TTC7B: variants seen among roughly 807,000 people sequenced by gnomAD.
The protein encoded by TTC7B is tetratricopeptide repeat domain 7B, also known as tetratricopeptide repeat protein 7B.
TTC7B carries 28 observed loss-of-function variants against 106.8 expected under a neutral mutation model. The ratio of observed to expected loss-of-function variants is 0.26; its 90% CI spans 0.19 to 0.36. TTC7B has a LOEUF of 0.36. Among genes scored for constraint, TTC7B ranks in the 10% least tolerant of loss-of-function variants. The probability of loss-of-function intolerance (pLI) is 1.00; values close to 1 mark genes in which losing one functional copy is unlikely to be tolerated. For synonymous variants in TTC7B, 405 were observed against 430.6 expected, an observed-to-expected ratio of 0.94 and a Z score of 0.74; for missense variants, 862 against 1,076.4, an observed-to-expected ratio of 0.80 and a Z score of 2.79.
intron 9 of TTC7B, among the ~76,000 whole-genome samples, chr14:90,671,608 A>G (rs928875249): frequency 1.3e-5 from 2 of 152,214 alleles, no homozygotes; most frequent in Admixed American, 1.3e-4. Context: ...AGAGGAAAAA[A>G]AGAAGTGTTC....
chr14:90,747,572 T>C (rs1890007682), intron 3 of TTC7B, among the ~76,000 whole-genome samples: 3 of 152,194 alleles, frequency 2.0e-5, no homozygotes, highest in Admixed American at 6.5e-5. Flanking sequence ...TTGGTAAATG[T>C]TACATTTGAA....
intron 19 of TTC7B, among the ~76,000 whole-genome samples, chr14:90,562,107 A>C (rs1346895152): frequency 6.6e-6 from 1 of 152,068 alleles, no homozygotes; most frequent in East Asian, 1.9e-4. Flanking sequence ...CCATCGCCCC[A>C]GCCCGGCCAT....
chr14:90,716,881 C>T (rs529465041), intron 5 of TTC7B, among the ~76,000 whole-genome samples: 69 of 152,110 alleles, frequency 4.5e-4, no homozygotes, highest in Middle Eastern at 3.4e-3. Context: ...AGACAGAAGA[C>T]GCAAATTATG....
chr14:90,781,764 T>C (rs181374504), intron 2 of TTC7B, among the ~76,000 whole-genome samples: 3 of 152,186 alleles, frequency 2.0e-5, no homozygotes, highest in Non-Finnish European at 4.4e-5. Context: ...GGTGACCTGG[T>C]ACCCTCCCTA....
At chr14:90,544,762 G>C (rs1424214910) in intron 19 of TTC7B, among the ~76,000 whole-genome samples, 11 of 152,162 alleles carry the variant, frequency 7.2e-5, no homozygotes. Flanking sequence ...TATGGCAGGA[G>C]CTCGTCACAC....
At position 90,578,502 on chromosome 14, in the gene TTC7B, C is replaced by T. The variant is rs1279333536; in HGVS notation, c.2108-194G>A. Reference sequence around the variant, plus strand: ...CTCCTATATGGGGACTGGAGTCACTCGTGTTGTGGGCCTTGCAGGGCAGGC... The same window carrying T: ...CTCCTATATGGGGACTGGAGTCACTTGTGTTGTGGGCCTTGCAGGGCAGGC... On this transcript the variant is annotated intron_variant, in intron 18 of 19. Coordinates refer to ENST00000328459, the MANE Select transcript of TTC7B (RefSeq NM_001010854.2). The surrounding 1 kb of genome is among the most constrained non-coding windows in gnomAD (Gnocchi z 4.7). Among the ~76,000 whole-genome samples the T allele has an allele frequency of 6.6e-6, 1 of 152,066 alleles. No individual in the cohort carries two copies. Among genetic ancestry groups the T allele is most frequent in the East Asian group, 1.9e-4 (1 of 5,164 alleles).
At chr14:90,730,051 T>C (rs776887884) in intron 5 of TTC7B, 24 bp downstream of exon 5, 2 of 1,589,896 alleles carry the variant, frequency 1.3e-6, no homozygotes, top group East Asian at 4.5e-5. Flanking sequence ...AGGAAGTGGA[T>C]TTAAAAAAAT....
intron 18 of TTC7B, among the ~76,000 whole-genome samples, chr14:90,583,035 C>A (rs1891566068): frequency 1.3e-5 from 2 of 152,200 alleles, no homozygotes; most frequent in South Asian, 2.1e-4. Flanking sequence ...TATGAACCTG[C>A]ACTACTTGAA....
At chr14:90,766,656 T>C (rs1801348884) in intron 3 of TTC7B, 7 of 1,234,406 alleles carry the variant, frequency 5.7e-6, no homozygotes, top group Non-Finnish European at 8.4e-6. Context: ...GATATGTTCA[T>C]GTGGTGTTGA....
chr14:90,637,968 A>C (rs1885013931), intron 15 of TTC7B, among the ~76,000 whole-genome samples: 1 of 151,698 alleles, frequency 6.6e-6, no homozygotes, highest in African/African-American at 2.4e-5. Flanking sequence ...TGCAGCCTTG[A>C]CTTCCTGGGC....
At chr14:90,771,998 T>C (rs999941890) in intron 3 of TTC7B, among the ~76,000 whole-genome samples, 1 of 146,440 alleles carries the variant, frequency 6.8e-6, no homozygotes, top group Non-Finnish European at 1.5e-5. Flanking sequence ...ATTTATAATA[T>C]ATATATTATA....
chr14:90,638,227 T>C (rs766074275), intron 15 of TTC7B, among the ~76,000 whole-genome samples: 3 of 152,140 alleles, frequency 2.0e-5, no homozygotes, highest in Admixed American at 6.5e-5. Context: ...AATTTTCTCA[T>C]TTAACTACTA....
intron 9 of TTC7B, among the ~76,000 whole-genome samples, chr14:90,664,856 A>C (rs568404061): frequency 6.6e-6 from 1 of 152,328 alleles, no homozygotes; most frequent in Admixed American, 6.5e-5. Flanking sequence ...AGTGGCCCAC[A>C]ATGAAGGCTA....
chr14:90,670,737 G>A (rs1275500506), intron 9 of TTC7B, among the ~76,000 whole-genome samples: 2 of 152,088 alleles, frequency 1.3e-5, no homozygotes, highest in Non-Finnish European at 2.9e-5. Flanking sequence ...ACATTCTTTG[G>A]GGCAGGGTGT....
chr14:90,527,832 T>G lies in TTC7B; in HGVS notation c.*13536A>C, dbSNP rs1889182802. On this transcript the variant is annotated 3_prime_UTR_variant, in exon 20 of 20. Transcript: ENST00000328459. Reference sequence around the variant, plus strand: ...CCTCAGCCTCCCAAAGTGCTGGGATTTCAGGCGTGAGCCACTGCGCCTGGC... The same window carrying G: ...CCTCAGCCTCCCAAAGTGCTGGGATGTCAGGCGTGAGCCACTGCGCCTGGC... The G allele has an allele frequency of 6.6e-6, 1 of 151,542 alleles. No individual in the cohort carries two copies. Among genetic ancestry groups the G allele is most frequent in the Non-Finnish European group, 1.5e-5 (1 of 67,878 alleles). 9.4% of individuals were successfully genotyped at this position (151,542 alleles called of 1,614,324 possible).
intron 15 of TTC7B, among the ~76,000 whole-genome samples, chr14:90,641,202 C>T (rs1194131478): frequency 6.6e-6 from 1 of 152,334 alleles, no homozygotes; most frequent in East Asian, 1.9e-4. Flanking sequence ...ATTCAAAGTA[C>T]TTAAACAGCA....
chr14:90,557,787 C>T (rs1261110437), intron 19 of TTC7B, among the ~76,000 whole-genome samples: 1 of 152,246 alleles, frequency 6.6e-6, no homozygotes, highest in African/African-American at 2.4e-5. Context: ...GCCCAACTTT[C>T]TCCCTGACTC....
rs1203502810 is a variant in TTC7B, at chr14:90,808,893, G to A, written c.121+7282C>T. 3.9e-5 allele frequency among the ~76,000 whole-genome samples: 6 copies of A among 152,212 alleles called. No individual in the cohort carries two copies. The highest frequency in any genetic ancestry group is 7.2e-5 in the African/African-American group (3 of 41,454). On this transcript the variant is annotated intron_variant, in intron 1 of 19. Transcript: ENST00000328459. This position sits in a 1 kb window ranked among gnomAD's most constrained non-coding sequence, Gnocchi z 4.2. ...CTGCGTGCCCAGGGCACAGCTGGCC[G>A]GGCAGCTGGGGTGCAGGGATGCTCT...
Position 90,534,336 on chromosome 14 carries a change from T to G in TTC7B, c.*7032A>C, listed in dbSNP as rs1373411321. ...GGCTCAGCCCTGGGGCTCGGCCCAT[T>G]TTCCTGTGTGGGGTCCTCAGGCCCA... On this transcript the variant is annotated 3_prime_UTR_variant, in exon 20 of 20. Coordinates refer to ENST00000328459, the MANE Select transcript of TTC7B (RefSeq NM_001010854.2). The G allele has an allele frequency of 6.6e-6, 1 of 152,130 alleles. No homozygotes were observed. Among genetic ancestry groups the G allele is most frequent in the Non-Finnish European group, 1.5e-5 (1 of 68,118 alleles). The allele number at this position is 152,130 out of a possible 1,614,324, so 9.4% of individuals were successfully genotyped here.
Sources: allele counts gnomAD v4.1 joint callset (sites outside exome capture counted in the v4.1 genomes callset), GRCh38; gene constraint gnomAD v4.1.1; non-coding constraint Gnocchi (gnomAD v3.1); transcripts MANE v1.5; gene names NCBI Gene and HGNC (gene_info 2026-07-23, HGNC 2026-07-21).